CP: variants seen among roughly 807,000 people sequenced by gnomAD.
CP encodes the protein ceruloplasmin, also known as caeruloplasmin.
CP carries 64 observed loss-of-function variants against 122.4 expected under a neutral mutation model. The ratio of observed to expected loss-of-function variants is 0.52; its 90% CI spans 0.43 to 0.64. CP has a LOEUF of 0.64. Among genes scored for constraint, CP ranks in the 30% least tolerant of loss-of-function variants. The pLI is 0.00. For missense variants in CP, 1,167 were observed against 1,284.4 expected (o/e 0.91, Z 1.40); for synonymous variants, 440 against 436.4 (o/e 1.01, Z -0.10).
intron 12 of CP, 85 bp from the exon 13 acceptor site, chr3:149,183,690 A>G (rs575536849): frequency 2.1e-6 from 2 of 962,262 alleles, no homozygotes. Flanking sequence ...GAATAAAAAT[A>G]TAGTTTTTAT....
intron 1 of CP, among the ~76,000 whole-genome samples, chr3:149,217,287 T>A (rs1472889446): frequency 6.6e-6 from 1 of 152,182 alleles, no homozygotes; most frequent in Non-Finnish European, 1.5e-5. Flanking sequence ...TAATTGTACC[T>A]ATTTAAGAAT....
chr3:149,199,950 C>A, intron 7 of CP, 86 bp from the exon 8 acceptor site: 1 of 1,363,460 alleles, frequency 7.3e-7, no homozygotes, highest in Non-Finnish European at 1.0e-6. Context: ...ACTGTGTTCT[C>A]TGGCAAGAAC....
intron 18 of CP, among the ~76,000 whole-genome samples, chr3:149,175,021 T>C (rs1195193509): frequency 6.6e-6 from 1 of 152,170 alleles, no homozygotes; most frequent in Admixed American, 6.6e-5. Context: ...AGGAATCTTC[T>C]CTGTGGCTGT....
chr3:149,208,999 T>C (rs929769836), intron 4 of CP, among the ~76,000 whole-genome samples: 3 of 152,150 alleles, frequency 2.0e-5, no homozygotes, highest in Non-Finnish European at 4.4e-5. Flanking sequence ...TCCTTACCAG[T>C]TGGGGAACAA....
At position 149,186,669 on chromosome 3, in the gene CP, A is replaced by G. The variant is rs1183097451; in HGVS notation, c.1928T>C (p.Val643Ala). The G allele has an allele frequency of 6.2e-7, 1 of 1,614,060 alleles. No individual in the cohort carries two copies. Among genetic ancestry groups the G allele is most frequent in the Non-Finnish European group, 8.5e-7 (1 of 1,180,030 alleles). Reference protein sequence around the residue: ...GLTMCKGDSVVWYLFSAGNEA... With the variant: ...GLTMCKGDSVAWYLFSAGNEA... Reference sequence around the variant, plus strand: ...ATTTCCGGCGCTGAATAAGTACCACACGACCGAATCTCCTTTGCACATAGT... The same window carrying G: ...ATTTCCGGCGCTGAATAAGTACCACGCGACCGAATCTCCTTTGCACATAGT... The change falls in exon 11 of 19, where the codon GTG becomes GCG. Residue 643 changes from valine to alanine, a missense_variant. Around this residue, in one of 2 missense-constraint regions of CP, gnomAD observed 525 missense variants for 657.2 expected, o/e 0.80. Coordinates refer to ENST00000264613, the MANE Select transcript of CP (RefSeq NM_000096.4).
At chr3:149,172,102 G>A (rs765294626), downstream of CP, 2 of 1,612,650 alleles carry the variant, frequency 1.2e-6, no homozygotes, top group East Asian at 2.2e-5. Flanking sequence ...CAGAAACATT[G>A]TCAATTGTTG....
At chr3:149,198,251 T>C in intron 9 of CP, 116 bp downstream of exon 9, 2 of 755,372 alleles carry the variant, frequency 2.6e-6, no homozygotes, top group Non-Finnish European at 4.5e-6. Flanking sequence ...CCTTATCTTT[T>C]AAAGGTATAT....
chr3:149,179,506 T>C (rs777831559), intron 15 of CP, 50 bp downstream of exon 15: 67 of 1,332,084 alleles, frequency 5.0e-5, no homozygotes, highest in Non-Finnish European at 6.6e-5. Context: ...CTTCCTTCAA[T>C]TGTGTGTCTA....
rs778464676 is a variant in CP, at chr3:149,185,308, A to G, written c.2216T>C (p.Val739Ala). The change falls in exon 12 of 19, where the codon GTG (valine) becomes GCG (alanine). Residue 739 changes from valine (V) to alanine (A), a missense_variant. Physicochemically the swap from Val to Ala is moderately conservative, Grantham distance 64 (BLOSUM62 0). This residue lies in a region of CP where 525 missense variants were observed against 657.2 expected (regional missense o/e 0.80). Coordinates refer to ENST00000264613, the MANE Select transcript of CP (RefSeq NM_000096.4). ...TGGGGAATAATCCCATTCCACCTCCACTGCTGCGATATAGTATGTCCTCTC... is the reference window on the plus strand; with the variant it reads ...TGGGGAATAATCCCATTCCACCTCCGCTGCTGCGATATAGTATGTCCTCTC... ...LGERTYYIAA[V>A]EVEWDYSPQR... The G allele has an allele frequency of 4.3e-6, 7 of 1,613,954 alleles. No homozygotes were observed. In the East Asian group the frequency reaches 1.6e-4, roughly 36 times the overall value.
chr3:149,167,813 T>G, downstream of CP: 1 of 886,958 alleles, frequency 1.1e-6, no homozygotes, highest in South Asian at 1.3e-5. Flanking sequence ...TGTGCTTTCC[T>G]GCACAATCTT....
chr3:149,209,255 A>C lies in CP; in HGVS notation c.737T>G (p.Val246Gly), dbSNP rs797045480. Residue 246 changes from valine to glycine, a missense_variant, in exon 4 of 19, where the codon GTT (valine) becomes GGT (glycine). Transcript: ENST00000264613. ...CTGGAAGTCTTCGTTGTCTTTGTCA[A>C]CTTTCTCTGGTTCTGAGCAGTAGGT... is the stretch of plus-strand genomic sequence containing the variant. ...IKTYCSEPEK[V>G]DKDNEDFQES... 4.3e-6 allele frequency: 7 copies of C among 1,613,758 alleles called. No homozygotes were observed. Among genetic ancestry groups the C allele is most frequent in the Non-Finnish European group, 5.9e-6 (7 of 1,179,740 alleles).
chr3:149,195,724 G>A lies in CP; in HGVS notation c.1713+2643C>T, dbSNP rs1048556140. 6.2e-4 allele frequency among the ~76,000 whole-genome samples: 94 copies of A among 152,260 alleles called. 1 individual carries two copies. Among genetic ancestry groups the A allele is most frequent in the Non-Finnish European group, 3.2e-4 (22 of 68,004 alleles). ...TAAAAATACAAAACAAAATTAGCTG[G>A]GCGTGGTGGCGGGCGCCTGTAGTCC... On this transcript the variant is annotated intron_variant, in intron 9 of 18. Transcript: ENST00000264613.
At chr3:149,172,429 C>T (rs1725097839), downstream of CP, 2 of 484,988 alleles carry the variant, frequency 4.1e-6, no homozygotes, top group Admixed American at 3.3e-5. Context: ...AATTTATGAC[C>T]TCAATCAATT....
chr3:149,178,013 A>G (rs767897344), intron 16 of CP, 34 bp from the exon 17 acceptor site: 71 of 1,596,978 alleles, frequency 4.4e-5, no homozygotes, highest in Non-Finnish European at 5.8e-5. Context: ...GTTACTTTTC[A>G]GGATATTTTA....
intron 9 of CP, 36 bp from the exon 10 acceptor site, chr3:149,188,238 G>C: frequency 6.4e-7 from 1 of 1,567,878 alleles, no homozygotes; most frequent in South Asian, 1.1e-5. Flanking sequence ...GAGACAGAAT[G>C]AATAAAGCAG....
At chr3:149,220,340 T>C (rs1728724563) in intron 1 of CP, among the ~76,000 whole-genome samples, 1 of 152,142 alleles carries the variant, frequency 6.6e-6, no homozygotes, top group Non-Finnish European at 1.5e-5. Context: ...TTTTTTAATG[T>C]GTCTGACTTT....
chr3:149,172,181 C>A (rs1725060294), downstream of CP: 1 of 1,613,134 alleles, frequency 6.2e-7, no homozygotes. Flanking sequence ...ATTTTTCTTG[C>A]CATATCTTCT....
intron 13 of CP, among the ~76,000 whole-genome samples, chr3:149,182,875 G>A (rs1185534214): frequency 6.6e-6 from 1 of 152,130 alleles, no homozygotes; most frequent in Non-Finnish European, 1.5e-5. Flanking sequence ...TTAGGGCCAG[G>A]TGTAGTGCCT....
At chr3:149,187,176 A>G (rs1726233974) in intron 10 of CP, among the ~76,000 whole-genome samples, 2 of 152,206 alleles carry the variant, frequency 1.3e-5, no homozygotes, top group South Asian at 4.1e-4. Context: ...GGTCATATGT[A>G]GGAGGTTTTT....
Sources: allele counts gnomAD v4.1 joint callset (sites outside exome capture counted in the v4.1 genomes callset), GRCh38; gene constraint gnomAD v4.1.1; regional missense constraint gnomAD v4.1.1; transcripts MANE v1.5; gene names NCBI Gene and HGNC (gene_info 2026-07-23, HGNC 2026-07-21).